The following TRIR variants were observed in gnomAD, a reference collection of about 807,000 sequenced individuals.
TRIR encodes the protein telomerase RNA component-interacting RNase.
TRIR carries 5 observed loss-of-function variants against 18.2 expected under a neutral mutation model. The ratio of observed to expected loss-of-function variants is 0.27; its 90% CI spans 0.14 to 0.58. The LOEUF (loss-of-function observed/expected upper bound fraction) is 0.58. Among genes scored for constraint, TRIR ranks in the 20% least tolerant of loss-of-function variants. The pLI is 0.91. For synonymous variants in TRIR, 134 were observed against 114.4 expected (o/e 1.17, Z -1.10); for missense variants, 206 against 252.8 (o/e 0.81, Z 1.25).
Position 12,731,293 on chromosome 19 carries a change from G to A in TRIR, c.423+51C>T, listed in dbSNP as rs1328711715. On this transcript the variant is annotated intron_variant, in intron 2 of 2. Coordinates refer to ENST00000242784, the MANE Select transcript of TRIR (RefSeq NM_024038.4). The surrounding 1 kb of genome is among the most constrained non-coding windows in gnomAD (Gnocchi z 5.1). ...GGGAGGGAGAAGGCTGGGCGCAAAA[G>A]CTGGAAGGGAAAGGCAATGTGGGTG... is the stretch of plus-strand genomic sequence containing the variant. The A allele has an allele frequency of 6.3e-7, 1 of 1,595,098 alleles. No individual in the cohort carries two copies. The highest frequency in any genetic ancestry group is 1.1e-5 in the South Asian group (1 of 90,708).
At position 12,730,857 on chromosome 19, in the gene TRIR, C is replaced by CT; in HGVS notation, c.*103dup. On this transcript the variant is annotated 3_prime_UTR_variant, in exon 3 of 3. Coordinates refer to ENST00000242784, the MANE Select transcript of TRIR (RefSeq NM_024038.4). ...CTGCGGGAAGCATCTCGGTTTCCTT[C>CT]TGCTTTTAAGTCCTCTCAGGGAAGG... is the stretch of plus-strand genomic sequence containing the variant. 9.3e-7 allele frequency: 1 copy of CT among 1,075,666 alleles called. No individual in the cohort carries two copies. Among genetic ancestry groups the CT allele is most frequent in the Non-Finnish European group, 1.4e-6 (1 of 710,018 alleles). 66.6% of individuals were successfully genotyped at this position (1,075,666 alleles called of 1,614,324 possible).
Position 12,734,351 on chromosome 19 carries a change from G to C in TRIR, c.307C>G (p.Pro103Ala). 6.8e-7 allele frequency: 1 copy of C among 1,460,470 alleles called. No homozygotes were observed. The highest frequency in any genetic ancestry group is 9.0e-7 in the Non-Finnish European group (1 of 1,105,856). The allele number at this position is 1,460,470 out of a possible 1,614,324, so 90.5% of individuals were successfully genotyped here. A position where few individuals can be genotyped will look rare whatever the true frequency, so the allele number is the denominator to read the frequency against. The change falls in exon 1 of 3, where the codon CCG (proline) becomes GCG (alanine). Residue 103 changes from proline to alanine, a missense_variant. This residue lies in a region of TRIR where 172 missense variants were observed against 165.0 expected (regional missense o/e 1.04). Transcript: ENST00000242784. The surrounding 1 kb of genome is among the most constrained non-coding windows in gnomAD (Gnocchi z 4.1). ...QSAAAAGPGD[P>A]KRKGGPGSTL... is the part of the protein sequence containing the mutation. ...GAGCCCGGACCGCCCTTCCTCTTCG[G>C]ATCCCCGGGGCCAGCGGCGGCGGCC...
intron 1 of TRIR, among the ~76,000 whole-genome samples, chr19:12,732,689 A>C (rs1324808865): frequency 1.3e-5 from 2 of 151,750 alleles, no homozygotes; most frequent in Admixed American, 6.6e-5. Flanking sequence ...TCCCAGGTTC[A>C]AGTGATTCTC....
intron 1 of TRIR, among the ~76,000 whole-genome samples, chr19:12,733,443 T>C (rs1017053903): frequency 6.6e-6 from 1 of 152,186 alleles, no homozygotes; most frequent in African/African-American, 2.4e-5. Context: ...TAATAACATT[T>C]TGAGCTGGAT....
In TRIR at chr19:12,731,328, C is replaced by A; in HGVS notation, c.423+16G>T. On this transcript the variant is annotated intron_variant, in intron 2 of 2. Coordinates refer to ENST00000242784, the MANE Select transcript of TRIR (RefSeq NM_024038.4). This position sits in a 1 kb window ranked among gnomAD's most constrained non-coding sequence, Gnocchi z 5.1. ...AAAGGCAATGTGGGTGGACCCCCTG[C>A]ACCAAGCTGGCTCACCTCATCCTCC... 1 of 1,612,994 alleles carries A rather than the reference C, an allele frequency of 6.2e-7. No individual in the cohort carries two copies. Among genetic ancestry groups the A allele is most frequent in the South Asian group, 1.1e-5 (1 of 91,080 alleles).
chr19:12,732,177 A>G (rs1967443196), intron 1 of TRIR, among the ~76,000 whole-genome samples: 1 of 151,628 alleles, frequency 6.6e-6, no homozygotes, highest in African/African-American at 2.4e-5. Flanking sequence ...CTTTTCATAG[A>G]TGAGGAAAGT....
Position 12,731,458 on chromosome 19 carries a change from AGCCGGGACC to A in TRIR, c.346-46_346-38del. On this transcript the variant is annotated intron_variant, in intron 1 of 2. Coordinates refer to ENST00000242784, the MANE Select transcript of TRIR (RefSeq NM_024038.4). This position sits in a 1 kb window ranked among gnomAD's most constrained non-coding sequence, Gnocchi z 5.1. ...GACAGAAGACTGCAACGGTTACAGG[AGCCGGGACC>A]GCCCTTGGCGGCGCTGAGGCCCACT... The A allele has an allele frequency of 6.3e-7, 1 of 1,592,020 alleles. No homozygotes were observed. The highest frequency in any genetic ancestry group is 2.2e-5 in the East Asian group (1 of 44,648).
chr19:12,733,720 G>A (rs565574774), intron 1 of TRIR, among the ~76,000 whole-genome samples: 1 of 152,278 alleles, frequency 6.6e-6, no homozygotes, highest in African/African-American at 2.4e-5. Flanking sequence ...GAGATGCTAT[G>A]ATGTCTATTT....
rs1032064778 is a variant in TRIR at position 12,734,067 on chromosome 19, T to G, written c.345+246A>C. On this transcript the variant is annotated intron_variant, in intron 1 of 2. Coordinates refer to ENST00000242784, the MANE Select transcript of TRIR (RefSeq NM_024038.4). The surrounding 1 kb of genome is among the most constrained non-coding windows in gnomAD (Gnocchi z 4.1). ...TCCTGATATCCACGTTTCCTCATTC[T>G]CCACAGTGCTGATTCCTAGGCAATT... 3.9e-5 allele frequency among the ~76,000 whole-genome samples: 6 copies of G among 152,176 alleles called. No individual in the cohort carries two copies. Among genetic ancestry groups the G allele is most frequent in the Non-Finnish European group, 8.8e-5 (6 of 68,030 alleles).
At position 12,731,210 on chromosome 19, in the gene TRIR, C is replaced by T. The variant is rs1967421529; in HGVS notation, c.423+134G>A. 1 of 1,261,006 alleles carries T rather than the reference C, an allele frequency of 7.9e-7. No homozygotes were observed. Among genetic ancestry groups the T allele is most frequent in the African/African-American group, 1.5e-5 (1 of 67,868 alleles). 78.1% of individuals were successfully genotyped at this position (1,261,006 alleles called of 1,614,324 possible). On this transcript the variant is annotated intron_variant, in intron 2 of 2. Transcript: ENST00000242784. The surrounding 1 kb of genome is among the most constrained non-coding windows in gnomAD (Gnocchi z 5.1). ...TTATAAAGTCAAGTTATCTGGGGAC[C>T]CATTGACAGCCCTCCTACCCTGCCA...
At chr19:12,733,336 A>C (rs1157512713) in intron 1 of TRIR, among the ~76,000 whole-genome samples, 4 of 152,176 alleles carry the variant, frequency 2.6e-5, no homozygotes, top group Admixed American at 2.6e-4. Flanking sequence ...CCTCCACACT[A>C]CAGGGACTTG....
In TRIR at chr19:12,734,485, A is replaced by G; in HGVS notation, c.173T>C (p.Leu58Ser). The change falls in exon 1 of 3, where the codon TTG (leucine) becomes TCG (serine). Residue 58 changes from leucine to serine, a missense_variant. Physicochemically the swap from Leu to Ser is moderately radical, Grantham distance 145. Around this residue, in one of 2 missense-constraint regions of TRIR, gnomAD observed 172 missense variants for 165.0 expected, o/e 1.04. Transcript: ENST00000242784. This position sits in a 1 kb window ranked among gnomAD's most constrained non-coding sequence, Gnocchi z 4.1. ...GSSPVSGGVNLFANDGSFLEL... is the reference protein window; with the variant it reads ...GSSPVSGGVNSFANDGSFLEL... ...CAGGAAGCTGCCGTCGTTGGCGAAC[A>G]AGTTCACGCCGCCCGACACCGGGCT... is the stretch of plus-strand genomic sequence containing the variant. 1 of 1,535,082 alleles carries G rather than the reference A, an allele frequency of 6.5e-7. No individual in the cohort carries two copies. The highest frequency in any genetic ancestry group is 8.7e-7 in the Non-Finnish European group (1 of 1,142,886).
chr19:12,734,633 C>T lies in TRIR; in HGVS notation c.25G>A (p.Glu9Lys). Reference protein sequence around the residue: MAARGRRAEPQGREAPGPA... With the variant: MAARGRRAKPQGREAPGPA... ...CCCGGAGCCTCCCGGCCCTGAGGCT[C>T]CGCCCGTCTCCCTCGGGCAGCCATT... The change falls in exon 1 of 3, where the codon GAG becomes AAG. Residue 9 changes from glutamate to lysine, a missense_variant. Physicochemically the swap from Glu to Lys is moderately conservative, Grantham distance 56 (BLOSUM62 1). Transcript: ENST00000242784. This position sits in a 1 kb window ranked among gnomAD's most constrained non-coding sequence, Gnocchi z 4.1. 2.0e-6 allele frequency: 3 copies of T among 1,511,566 alleles called. No individual in the cohort carries two copies. The highest frequency in any genetic ancestry group is 2.6e-6 in the Non-Finnish European group (3 of 1,136,920). 93.6% of individuals were successfully genotyped at this position (1,511,566 alleles called of 1,614,324 possible).
At chr19:12,733,865 T>C (rs183291862) in intron 1 of TRIR, among the ~76,000 whole-genome samples, 1 of 152,124 alleles carries the variant, frequency 6.6e-6, no homozygotes, top group African/African-American at 2.4e-5. Flanking sequence ...TAAATGGAGG[T>C]TGGTCGAATA....
In TRIR at chr19:12,730,733, T is replaced by G; in HGVS notation, c.*228A>C. The G allele has an allele frequency of 1.7e-6, 1 of 573,348 alleles. No homozygotes were observed. Among genetic ancestry groups the G allele is most frequent in the Non-Finnish European group, 3.1e-6 (1 of 321,070 alleles). 35.5% of individuals were successfully genotyped at this position (573,348 alleles called of 1,614,324 possible). ...GGAAGACAGAAAGAGCCAGAGAGAA[T>G]GAGGAGGTGAGAAGGGGGGGACAGT... On this transcript the variant is annotated 3_prime_UTR_variant, in exon 3 of 3. Coordinates refer to ENST00000242784, the MANE Select transcript of TRIR (RefSeq NM_024038.4).
intron 1 of TRIR, among the ~76,000 whole-genome samples, chr19:12,732,745 ATGCCTGGCTAATTTT>A (rs1352890044): frequency 6.6e-6 from 1 of 151,866 alleles, no homozygotes. Flanking sequence ...ATGCACCACC[ATGCCTGGCTAATTTT>A]TGTATTTTTA....
At position 12,734,432 on chromosome 19, in the gene TRIR, C is replaced by G; in HGVS notation, c.226G>C (p.Glu76Gln). ...LELFKRKMEE[E>Q]QRQRQEEPPP... ...GGCTCCTCCTGCCGCTGCCGCTGCT[C>G]CTCCTCCATCTTCCGCTTGAACAGC... Residue 76 changes from glutamate to glutamine, a missense_variant, in exon 1 of 3, where the codon GAG becomes CAG. Physicochemically the swap from Glu to Gln is conservative, Grantham distance 29 (BLOSUM62 2). Around this residue, in one of 2 missense-constraint regions of TRIR, gnomAD observed 172 missense variants for 165.0 expected, o/e 1.04. Transcript: ENST00000242784. This position sits in a 1 kb window ranked among gnomAD's most constrained non-coding sequence, Gnocchi z 4.1. 6.5e-7 allele frequency: 1 copy of G among 1,528,850 alleles called. No homozygotes were observed. Among genetic ancestry groups the G allele is most frequent in the Non-Finnish European group, 8.8e-7 (1 of 1,138,846 alleles). 94.7% of individuals were successfully genotyped at this position (1,528,850 alleles called of 1,614,324 possible).
chr19:12,732,948 G>C (rs1334980216), intron 1 of TRIR, among the ~76,000 whole-genome samples: 1 of 152,020 alleles, frequency 6.6e-6, no homozygotes, highest in Admixed American at 6.6e-5. Context: ...CTGTCATCCA[G>C]GCTAGAGCGC....
At position 12,734,291 on chromosome 19, in the gene TRIR, C is replaced by A; in HGVS notation, c.345+22G>T. 7.2e-7 allele frequency: 1 copy of A among 1,385,512 alleles called. No homozygotes were observed. Among genetic ancestry groups the A allele is most frequent in the Non-Finnish European group, 9.3e-7 (1 of 1,070,768 alleles). The allele number at this position is 1,385,512 out of a possible 1,614,324, so 85.8% of individuals were successfully genotyped here. A position where few individuals can be genotyped will look rare whatever the true frequency, so the allele number is the denominator to read the frequency against. ...TGCCAAGACAGGCCGTGGCGCCCGC[C>A]CCCACCCCCACGGCTCCTTACGAAG... On this transcript the variant is annotated intron_variant, in intron 1 of 2. Transcript: ENST00000242784. This position sits in a 1 kb window ranked among gnomAD's most constrained non-coding sequence, Gnocchi z 4.1.
Sources: gnomAD v4.1 joint callset for allele counts (sites outside exome capture counted in the v4.1 genomes callset) on GRCh38, gnomAD v4.1.1 for gene constraint, gnomAD v4.1.1 regional missense constraint, Gnocchi (gnomAD v3.1) non-coding constraint, MANE v1.5 for transcripts, NCBI Gene and HGNC (gene_info 2026-07-23, HGNC 2026-07-21) for gene names.